The following CSMD2 variants were observed in gnomAD, a reference collection of about 807,000 sequenced individuals.
CSMD2 encodes CUB and Sushi multiple domains 2.
CSMD2 carries 130 observed loss-of-function variants against 398.5 expected under a neutral mutation model. The observed-to-expected ratio is 0.33, with a 90% CI of 0.28 to 0.38. CSMD2 has a LOEUF of 0.38. Ranked by LOEUF, CSMD2 falls within the 10% of genes least tolerant of loss-of-function variation. The pLI is 1.00. For synonymous variants in CSMD2, 1,828 were observed against 1,908.5 expected (o/e 0.96, Z 1.10); for missense variants, 3,829 against 4,764.9 (o/e 0.80, Z 5.78).
intron 52 of CSMD2, among the ~76,000 whole-genome samples, chr1:33,568,312 C>T (rs2148682423): frequency 6.6e-6 from 1 of 152,130 alleles, no homozygotes; most frequent in African/African-American, 2.4e-5. Context: ...CTTAGCCTCC[C>T]AAGTAGCTGG....
At chr1:33,625,623 G>A (rs116278075) in intron 33 of CSMD2, among the ~76,000 whole-genome samples, 33 of 152,224 alleles carry the variant, frequency 2.2e-4, no homozygotes, top group African/African-American at 7.9e-4. Flanking sequence ...CCCTGCCTCT[G>A]TCCTGTTTTC....
chr1:33,996,158 C>T (rs1462888239), intron 3 of CSMD2, among the ~76,000 whole-genome samples: 1 of 152,162 alleles, frequency 6.6e-6, no homozygotes, highest in African/African-American at 2.4e-5. Flanking sequence ...TATAAATGGC[C>T]AATAAACATG....
intron 13 of CSMD2, among the ~76,000 whole-genome samples, chr1:33,744,365 G>C (rs748269443): frequency 6.6e-6 from 1 of 152,164 alleles, no homozygotes; most frequent in Non-Finnish European, 1.5e-5. Flanking sequence ...CTATGCTAAA[G>C]AGGTGCCAGG....
At chr1:33,574,780 A>C (rs926852219) in intron 49 of CSMD2, among the ~76,000 whole-genome samples, 9 of 152,236 alleles carry the variant, frequency 5.9e-5, no homozygotes, top group African/African-American at 2.2e-4. Flanking sequence ...AGAGTGTTTA[A>C]ACATGAGACT....
At chr1:33,762,818 A>G (rs774502582) in intron 13 of CSMD2, among the ~76,000 whole-genome samples, 6 of 152,220 alleles carry the variant, frequency 3.9e-5, no homozygotes, top group Non-Finnish European at 8.8e-5. Context: ...GGCAAGAACC[A>G]TGTTTGAATC....
Position 33,633,632 on chromosome 1 carries a change from CTGGGGAAG to C in CSMD2, c.5087-105_5087-98del. Reference sequence around the variant, plus strand: ...GGCCCAAGCCAGGAGGAGGGCAGCCCTGGGGAAGTTGTTGGTTCCTGGGCTGTGGCTTG... The same window carrying C: ...GGCCCAAGCCAGGAGGAGGGCAGCCCTTGTTGGTTCCTGGGCTGTGGCTTG... On this transcript the variant is annotated intron_variant, in intron 31 of 70. Coordinates refer to ENST00000373381, the MANE Select transcript of CSMD2 (RefSeq NM_001281956.2). This position sits in a 1 kb window ranked among gnomAD's most constrained non-coding sequence, Gnocchi z 5.0. 5 of 879,584 alleles carry C rather than the reference CTGGGGAAG, an allele frequency of 5.7e-6. No individual in the cohort carries two copies. In the South Asian group the frequency reaches 7.5e-5, roughly 13 times the overall value. 54.5% of individuals were successfully genotyped at this position (879,584 alleles called of 1,614,324 possible). A position where few individuals can be genotyped will look rare whatever the true frequency, so the allele number is the denominator to read the frequency against.
At chr1:33,629,208 G>A (rs1642317446) in intron 32 of CSMD2, among the ~76,000 whole-genome samples, 1 of 152,132 alleles carries the variant, frequency 6.6e-6, no homozygotes, top group South Asian at 2.1e-4. Context: ...TGCTCTTGGG[G>A]AAGAAGTCCA....
intron 10 of CSMD2, among the ~76,000 whole-genome samples, chr1:33,808,286 C>T (rs1656455370): frequency 6.6e-6 from 1 of 151,448 alleles, no homozygotes; most frequent in Non-Finnish European, 1.5e-5. Context: ...ATGTAATGGA[C>T]ATATTAGAAA....
rs146577740 is a variant in CSMD2 at position 33,642,737 on chromosome 1, T to C, written c.4774+3911A>G. On this transcript the variant is annotated intron_variant, in intron 29 of 70. Coordinates refer to ENST00000373381, the MANE Select transcript of CSMD2 (RefSeq NM_001281956.2). ...GTTGTTTTCTCATAATCATGTCTCC[T>C]TTTTGTGTCAGATTGTTTTGAGTGG... Among the ~76,000 whole-genome samples, 253 of 152,362 alleles carry C rather than the reference T, an allele frequency of 1.7e-3. 2 individuals carry two copies. Among genetic ancestry groups the C allele is most frequent in the African/African-American group, 5.4e-3 (225 of 41,600 alleles).
chr1:33,544,141 C>T (rs1315249892), intron 57 of CSMD2, among the ~76,000 whole-genome samples: 1 of 128,104 alleles, frequency 7.8e-6, no homozygotes, highest in Non-Finnish European at 1.6e-5. Flanking sequence ...GAGTCTCGCT[C>T]TTTCGCCCAG....
intron 25 of CSMD2, among the ~76,000 whole-genome samples, chr1:33,685,176 G>T (rs536223648): frequency 6.6e-6 from 1 of 152,292 alleles, no homozygotes; most frequent in South Asian, 2.1e-4. Flanking sequence ...AGCTGCGGCA[G>T]CCAACTAGGT....
At chr1:33,678,513 A>C (rs533638329) in intron 25 of CSMD2, among the ~76,000 whole-genome samples, 150 of 152,136 alleles carry the variant, frequency 9.9e-4, no homozygotes, top group Non-Finnish European at 1.6e-3. Flanking sequence ...GGATCTTTAC[A>C]TTAGGGGAAA....
At chr1:33,592,674 G>T (rs759924736) in intron 44 of CSMD2, among the ~76,000 whole-genome samples, 12 of 152,174 alleles carry the variant, frequency 7.9e-5, no homozygotes, top group Non-Finnish European at 1.8e-4. Context: ...TGACGGCCGG[G>T]CGCGGTGGCT....
At chr1:34,033,180 A>ATT (rs1273127295) in intron 2 of CSMD2, among the ~76,000 whole-genome samples, 3 of 152,272 alleles carry the variant, frequency 2.0e-5, no homozygotes, top group Admixed American at 1.3e-4. Flanking sequence ...TTTTATAGAA[A>ATT]TAAGTGCCTA....
intron 7 of CSMD2, among the ~76,000 whole-genome samples, chr1:33,821,860 G>A (rs1047282693): frequency 1.9e-4 from 29 of 152,304 alleles, no homozygotes; most frequent in Non-Finnish European, 1.0e-4. Context: ...GACCTTCTGA[G>A]CTAATAGGAT....
In CSMD2 at chr1:34,032,578, T is replaced by C. The variant is rs1283148983; in HGVS notation, c.517+16A>G. 3 of 1,514,086 alleles carry C rather than the reference T, an allele frequency of 2.0e-6. No individual in the cohort carries two copies. Among genetic ancestry groups the C allele is most frequent in the African/African-American group, 1.4e-5 (1 of 72,130 alleles). The allele number at this position is 1,514,086 out of a possible 1,614,324, so 93.8% of individuals were successfully genotyped here. On this transcript the variant is annotated intron_variant, in intron 3 of 70. Coordinates refer to ENST00000373381, the MANE Select transcript of CSMD2 (RefSeq NM_001281956.2). ...TCACATCTCCGGCTCCTGTGGCCGA[T>C]GAGGGAGGCACTTACCTTCATAGGT...
chr1:34,113,242 C>T (rs1468556324), intron 1 of CSMD2, among the ~76,000 whole-genome samples: 1 of 152,140 alleles, frequency 6.6e-6, no homozygotes, highest in Non-Finnish European at 1.5e-5. Flanking sequence ...ATTTATCTCC[C>T]CATGCCCTCC....
At chr1:34,035,173 G>T (rs1251212345) in intron 2 of CSMD2, among the ~76,000 whole-genome samples, 11 of 152,152 alleles carry the variant, frequency 7.2e-5, no homozygotes, top group African/African-American at 2.7e-4. Context: ...ATATGAAACA[G>T]ATCACTTGAA....
chr1:33,598,249 T>C (rs1050024189), intron 44 of CSMD2, among the ~76,000 whole-genome samples: 1 of 152,230 alleles, frequency 6.6e-6, no homozygotes, highest in Non-Finnish European at 1.5e-5. Flanking sequence ...CATTTTTATA[T>C]GTAGGATATA....
Sources: allele counts gnomAD v4.1 joint callset (sites outside exome capture counted in the v4.1 genomes callset), GRCh38; gene constraint gnomAD v4.1.1; non-coding constraint Gnocchi (gnomAD v3.1); transcripts MANE v1.5; gene names NCBI Gene and HGNC (gene_info 2026-07-23, HGNC 2026-07-21).